Variants in LTA4H observed in about 807,000 individuals in gnomAD.
LTA4H encodes the protein leukotriene A-4 hydrolase.
Under a neutral mutation model 89.8 loss-of-function variants are expected in LTA4H, and 59 were observed. The ratio of observed to expected loss-of-function variants is 0.66; its 90% CI spans 0.53 to 0.82. The LOEUF (loss-of-function observed/expected upper bound fraction) is 0.82. Among genes scored for constraint, LTA4H ranks in the 40% least tolerant of loss-of-function variants. The pLI is 0.00. For missense variants in LTA4H, 617 were observed against 727.0 expected (o/e 0.85, Z 1.74); for synonymous variants, 227 against 253.1 (o/e 0.90, Z 0.98).
chr12:96,036,014 G>C (rs1210861925), upstream of LTA4H, among the ~76,000 whole-genome samples: 1 of 152,196 alleles, frequency 6.6e-6, no homozygotes, highest in Non-Finnish European at 1.5e-5. Context: ...GCTTTCTTTC[G>C]TGCGGTTCCT....
At chr12:96,025,041 T>C (rs904028695) in intron 3 of LTA4H, among the ~76,000 whole-genome samples, 1 of 152,200 alleles carries the variant, frequency 6.6e-6, no homozygotes, top group Non-Finnish European at 1.5e-5. Context: ...TAATCTATGG[T>C]TAACCCTCAC....
chr12:96,015,755 C>G (rs1368888893), intron 10 of LTA4H, 61 bp from the exon 11 acceptor site: 4 of 1,128,996 alleles, frequency 3.5e-6, no homozygotes, highest in Non-Finnish European at 5.3e-6. Flanking sequence ...ACATTTCAAT[C>G]AAGATATTTT....
chr12:96,022,187 G>A lies in LTA4H; in HGVS notation c.545C>T (p.Pro182Leu), dbSNP rs761869394. The A allele has an allele frequency of 6.2e-6, 10 of 1,613,772 alleles. No individual in the cohort carries two copies. The Admixed American group carries it at 8.3e-5, about 13-fold the overall frequency. Residue 182 changes from proline to leucine, a missense_variant, in exon 5 of 19, where the codon CCA (proline) becomes CTA (leucine). Pro to Leu is a moderately conservative substitution (Grantham distance 98). Coordinates refer to ENST00000228740, the MANE Select transcript of LTA4H (RefSeq NM_000895.3). The surrounding 1 kb of genome is among the most constrained non-coding windows in gnomAD (Gnocchi z 4.0). ...GTATATTTTCCTGCTTGGGTCTTCT[G>A]GGTCAGGTGTTTCTCCATCACGAAT... ...SAIRDGETPD[P>L]EDPSRKIYKF... is the part of the protein sequence containing the mutation.
In LTA4H at chr12:96,015,548, T is replaced by A. The variant is rs1390596095; in HGVS notation, c.1059+35A>T. 5 of 1,480,512 alleles carry A rather than the reference T, an allele frequency of 3.4e-6. No homozygotes were observed. The African/African-American group carries it at 7.0e-5, about 21-fold the overall frequency. The allele number at this position is 1,480,512 out of a possible 1,614,324, so 91.7% of individuals were successfully genotyped here. On this transcript the variant is annotated intron_variant, in intron 11 of 18. Transcript: ENST00000228740. Reference sequence around the variant, plus strand: ...CTCAGTTTTTAACACCTATACAACTTTGGATGAAGGTTTTTAAAACTTTGA... The same window carrying A: ...CTCAGTTTTTAACACCTATACAACTATGGATGAAGGTTTTTAAAACTTTGA...
chr12:96,008,040 T>C (rs1195649761), intron 15 of LTA4H, among the ~76,000 whole-genome samples: 2 of 152,134 alleles, frequency 1.3e-5, no homozygotes, highest in East Asian at 1.9e-4. Context: ...GTGGCAACAA[T>C]AGATACTGGG....
Position 96,009,122 on chromosome 12 carries a change from C to A in LTA4H, c.1406G>T (p.Cys469Phe). The A allele has an allele frequency of 6.2e-7, 1 of 1,607,090 alleles. No individual in the cohort carries two copies. Among genetic ancestry groups the A allele is most frequent in the South Asian group, 1.1e-5 (1 of 90,872 alleles). Residue 469 changes from cysteine (C) to phenylalanine (F), a missense_variant, in exon 15 of 19, where the codon TGT (cysteine) becomes TTT (phenylalanine). Cys to Phe is a radical substitution (Grantham distance 205, BLOSUM62 -2). Transcript: ENST00000228740. ...AATCCATCTTTGACTTAAGGCAATA[C>A]AAGCATTTGTCAGAGTCATATCATA... ...PNYDMTLTNA[C>F]IALSQRWITA...
upstream of LTA4H, among the ~76,000 whole-genome samples, chr12:96,037,710 T>C (rs573720678): frequency 0.04 from 6,026 of 149,932 alleles, 423 homozygotes; most frequent in African/African-American, 0.14. Flanking sequence ...TTTTTTTTTT[T>C]TGAGACGGAG....
chr12:96,037,754 C>T (rs559431185), upstream of LTA4H, among the ~76,000 whole-genome samples: 36 of 135,506 alleles, frequency 2.7e-4, no homozygotes, highest in South Asian at 8.1e-3. Flanking sequence ...AGTGCAGTGG[C>T]GCAATCTCGG....
intron 11 of LTA4H, chr12:96,015,308 A>T: frequency 2.0e-6 from 1 of 506,298 alleles, no homozygotes; most frequent in Non-Finnish European, 3.4e-6. Context: ...AAAATGACAT[A>T]CCAAATAAGA....
chr12:96,015,072 G>T, intron 11 of LTA4H, 73 bp from the exon 12 acceptor site: 1 of 1,388,096 alleles, frequency 7.2e-7, no homozygotes, highest in South Asian at 1.3e-5. Context: ...CTAATAAGGA[G>T]GTATTACTTC....
chr12:96,038,384 A>G (rs900968348), upstream of LTA4H, among the ~76,000 whole-genome samples: 2 of 152,088 alleles, frequency 1.3e-5, no homozygotes, highest in African/African-American at 4.8e-5. Flanking sequence ...TGTCATCAAC[A>G]TTTGCATTTT....
chr12:96,004,107 A>C, intron 16 of LTA4H, 187 bp from the exon 17 acceptor site: 2 of 376,942 alleles, frequency 5.3e-6, no homozygotes, highest in Non-Finnish European at 9.5e-6. Context: ...CCAGATGAGG[A>C]TATTCTACTG....
chr12:96,032,980 C>T (rs1333837704), intron 1 of LTA4H, among the ~76,000 whole-genome samples: 2 of 152,074 alleles, frequency 1.3e-5, no homozygotes, highest in Non-Finnish European at 2.9e-5. Context: ...GGGAAAGGAT[C>T]AGGAAAAGTA....
At chr12:96,025,052 A>G (rs574177851) in intron 3 of LTA4H, among the ~76,000 whole-genome samples, 4 of 152,318 alleles carry the variant, frequency 2.6e-5, no homozygotes, top group African/African-American at 9.6e-5. Context: ...TAACCCTCAC[A>G]TTTCAGTTGA....
intron 6 of LTA4H, chr12:96,020,873 T>G: frequency 2.1e-6 from 1 of 481,048 alleles, no homozygotes; most frequent in Non-Finnish European, 3.7e-6. Context: ...GCATGCTCAT[T>G]TTACAATACT....
chr12:96,004,331 G>A (rs943023027), intron 16 of LTA4H, among the ~76,000 whole-genome samples: 4 of 152,108 alleles, frequency 2.6e-5, no homozygotes, highest in East Asian at 1.9e-4. Flanking sequence ...CTTTATCTTT[G>A]TATATTTCCT....
upstream of LTA4H, among the ~76,000 whole-genome samples, chr12:96,036,443 A>C (rs1471094416): frequency 6.6e-6 from 1 of 152,190 alleles, no homozygotes; most frequent in African/African-American, 2.4e-5. Flanking sequence ...TGGGTGCATT[A>C]ATGGGGGACC....
upstream of LTA4H, among the ~76,000 whole-genome samples, chr12:96,038,363 G>T (rs1332298663): frequency 6.6e-6 from 1 of 152,118 alleles, no homozygotes; most frequent in African/African-American, 2.4e-5. Context: ...AATTCATAGG[G>T]TGTAAGAATT....
chr12:96,015,052 C>A, intron 11 of LTA4H, 53 bp from the exon 12 acceptor site: 4 of 1,536,496 alleles, frequency 2.6e-6, no homozygotes, highest in Non-Finnish European at 3.5e-6. Flanking sequence ...GCTATCACCA[C>A]GCAAATAAGC....
Sources: gnomAD v4.1 joint callset for allele counts (sites outside exome capture counted in the v4.1 genomes callset) on GRCh38, gnomAD v4.1.1 for gene constraint, Gnocchi (gnomAD v3.1) non-coding constraint, MANE v1.5 for transcripts, NCBI Gene and HGNC (gene_info 2026-07-23, HGNC 2026-07-21) for gene names.